DOK6: variants seen among roughly 807,000 people sequenced by gnomAD.
DOK6 encodes the protein docking protein 6, also known as downstream of tyrosine kinase 6.
In DOK6, 22 loss-of-function variants were observed where a neutral mutation model predicts 44.0. That is an observed-to-expected ratio of 0.50 (90% CI 0.36 to 0.71). The LOEUF is 0.71. Ranked by LOEUF, DOK6 falls within the 30% of genes least tolerant of loss-of-function variation. DOK6 has a pLI of 0.00. For synonymous variants in DOK6, 166 were observed against 145.5 expected (o/e 1.14, Z -1.01); for missense variants, 340 against 416.4 (o/e 0.82, Z 1.60).
intron 4 of DOK6, among the ~76,000 whole-genome samples, chr18:69,689,587 T>A (rs1986221550): frequency 6.6e-6 from 1 of 152,168 alleles, no homozygotes; most frequent in Non-Finnish European, 1.5e-5. Context: ...TGGAAAGCAA[T>A]TTGGCAATGT....
chr18:69,524,980 G>GAA (rs1367576737), intron 1 of DOK6, among the ~76,000 whole-genome samples: 1 of 120,642 alleles, frequency 8.3e-6, no homozygotes, highest in Non-Finnish European at 2.0e-5. Context: ...AAGATTTTCA[G>GAA]TAAAAAAACA....
At chr18:69,656,801 C>A (rs1985380023) in intron 3 of DOK6, among the ~76,000 whole-genome samples, 1 of 152,078 alleles carries the variant, frequency 6.6e-6, no homozygotes, top group African/African-American at 2.4e-5. Context: ...TTGATAACTG[C>A]AGAAGAGTGA....
intron 7 of DOK6, among the ~76,000 whole-genome samples, chr18:69,759,949 G>A (rs1165943137): frequency 6.6e-6 from 1 of 152,104 alleles, no homozygotes; most frequent in Non-Finnish European, 1.5e-5. Context: ...TATACTGTGG[G>A]TTTACTTTTT....
intron 3 of DOK6, among the ~76,000 whole-genome samples, chr18:69,664,683 G>A (rs1431102144): frequency 6.6e-6 from 1 of 152,120 alleles, no homozygotes; most frequent in African/African-American, 2.4e-5. Flanking sequence ...TGCATTTAAA[G>A]GGAAACATAT....
At chr18:69,757,642 G>A (rs753348690) in intron 6 of DOK6, 114 bp from the exon 7 acceptor site, 13 of 792,496 alleles carry the variant, frequency 1.6e-5, no homozygotes, top group Admixed American at 2.0e-5. Context: ...GGATCATGCA[G>A]GTATCTATAG....
intron 1 of DOK6, among the ~76,000 whole-genome samples, chr18:69,458,666 T>C (rs1326331739): frequency 6.6e-6 from 1 of 152,096 alleles, no homozygotes; most frequent in Admixed American, 6.6e-5. Context: ...CTACTAGATC[T>C]GATAAACAAT....
intron 3 of DOK6, among the ~76,000 whole-genome samples, chr18:69,607,098 C>T (rs1278229571): frequency 2.6e-5 from 4 of 152,182 alleles, no homozygotes; most frequent in Admixed American, 2.6e-4. Flanking sequence ...GATGCCTGCA[C>T]ATGCAATGGG....
intron 3 of DOK6, among the ~76,000 whole-genome samples, chr18:69,602,270 T>A (rs1983891041): frequency 6.6e-6 from 1 of 152,214 alleles, no homozygotes; most frequent in Non-Finnish European, 1.5e-5. Context: ...TGATAGACTC[T>A]ACCCTTGATA....
chr18:69,765,106 G>C (rs929333931), intron 7 of DOK6, among the ~76,000 whole-genome samples: 2 of 152,166 alleles, frequency 1.3e-5, no homozygotes, highest in African/African-American at 4.8e-5. Flanking sequence ...CAAAGACTTT[G>C]TTTCCTCTTT....
chr18:69,745,656 C>T (rs1978961499), intron 6 of DOK6, among the ~76,000 whole-genome samples: 1 of 152,168 alleles, frequency 6.6e-6, no homozygotes, highest in South Asian at 2.1e-4. Flanking sequence ...TCCAGGGAGA[C>T]TACAACAGAG....
At chr18:69,498,288 T>C (rs1980950846) in intron 1 of DOK6, among the ~76,000 whole-genome samples, 1 of 152,172 alleles carries the variant, frequency 6.6e-6, no homozygotes, top group African/African-American at 2.4e-5. Context: ...TGTAAATTTT[T>C]AACTTACTTT....
intron 7 of DOK6, among the ~76,000 whole-genome samples, chr18:69,775,137 A>G (rs1980022488): frequency 6.6e-6 from 1 of 151,982 alleles, no homozygotes; most frequent in Admixed American, 6.6e-5. Flanking sequence ...AATGAAAACC[A>G]TCTTCAAATA....
intron 3 of DOK6, among the ~76,000 whole-genome samples, chr18:69,615,675 T>C (rs536602577): frequency 6.6e-6 from 1 of 152,352 alleles, no homozygotes; most frequent in East Asian, 1.9e-4. Flanking sequence ...AACCTTAAGC[T>C]GCACACACCT....
chr18:69,725,876 A>G (rs1000977633), intron 5 of DOK6, among the ~76,000 whole-genome samples: 3 of 152,184 alleles, frequency 2.0e-5, no homozygotes, highest in Non-Finnish European at 2.9e-5. Flanking sequence ...ATCAGGCAAA[A>G]CGGAATGGAG....
intron 5 of DOK6, among the ~76,000 whole-genome samples, chr18:69,734,393 CAAAAA>C (rs60831756): frequency 6.8e-4 from 33 of 48,512 alleles, no homozygotes; most frequent in African/African-American, 1.9e-3. Context: ...TTCATAGCAG[CAAAAA>C]AAAAAAAAAA....
intron 1 of DOK6, among the ~76,000 whole-genome samples, chr18:69,496,175 C>G (rs1226853900): frequency 6.6e-6 from 1 of 152,212 alleles, no homozygotes; most frequent in Non-Finnish European, 1.5e-5. Flanking sequence ...TCCCAGGCCC[C>G]CCACTTTGAG....
chr18:69,476,483 G>T (rs1447533674), intron 1 of DOK6, among the ~76,000 whole-genome samples: 2 of 152,218 alleles, frequency 1.3e-5, no homozygotes, highest in South Asian at 2.1e-4. Flanking sequence ...ATCAGTCAGA[G>T]TTCCCGGAGG....
chr18:69,511,259 C>T (rs1207111532), intron 1 of DOK6, among the ~76,000 whole-genome samples: 1 of 152,140 alleles, frequency 6.6e-6, no homozygotes, highest in Non-Finnish European at 1.5e-5. Context: ...TGCTCTCACA[C>T]ATTAAAATAT....
chr18:69,686,212 T>A (rs1414221240), intron 4 of DOK6, among the ~76,000 whole-genome samples: 1 of 152,154 alleles, frequency 6.6e-6, no homozygotes, highest in Non-Finnish European at 1.5e-5. Context: ...GATCTTGGAC[T>A]TCCAGCCTCC....
Sources: gnomAD v4.1 joint callset for allele counts (sites outside exome capture counted in the v4.1 genomes callset) on GRCh38, gnomAD v4.1.1 for gene constraint, MANE v1.5 for transcripts, NCBI Gene and HGNC (gene_info 2026-07-23, HGNC 2026-07-21) for gene names.